Variants in ROCK2 observed in about 807,000 individuals in gnomAD.
ROCK2 encodes Rho associated coiled-coil containing protein kinase 2.
ROCK2 carries 61 observed loss-of-function variants against 195.1 expected under a neutral mutation model. That is an observed-to-expected ratio of 0.31 (90% CI 0.25 to 0.39). The LOEUF (loss-of-function observed/expected upper bound fraction) is 0.39, where lower values mean the gene tolerates loss of function less well. Ranked by LOEUF, ROCK2 falls within the 10% of genes least tolerant of loss-of-function variation. ROCK2 has a pLI of 1.00. For missense variants in ROCK2, 1,109 were observed against 1,637.4 expected (o/e 0.68, Z 5.57); for synonymous variants, 504 against 545.5 (o/e 0.92, Z 1.06).
chr2:11,284,189 T>C (rs1667109448), intron 3 of ROCK2, among the ~76,000 whole-genome samples: 1 of 152,174 alleles, frequency 6.6e-6, no homozygotes, highest in Non-Finnish European at 1.5e-5. Flanking sequence ...TTACATGACA[T>C]TCTGGAAAAG....
At chr2:11,345,273 C>T (rs758640998), upstream of ROCK2, among the ~76,000 whole-genome samples, 1 of 152,192 alleles carries the variant, frequency 6.6e-6, no homozygotes, top group African/African-American at 2.4e-5. Flanking sequence ...TAGACACTAA[C>T]CACTTCAAGA....
At chr2:11,226,765 A>G (rs1414316239) in intron 6 of ROCK2, among the ~76,000 whole-genome samples, 1 of 151,882 alleles carries the variant, frequency 6.6e-6, no homozygotes, top group African/African-American at 2.4e-5. Context: ...GAGAAAAATC[A>G]GCCGGGTTTA....
At chr2:11,294,843 TGTCAGCTCACC>T (rs1304017163) in intron 1 of ROCK2, among the ~76,000 whole-genome samples, 3 of 152,168 alleles carry the variant, frequency 2.0e-5, no homozygotes, top group African/African-American at 7.2e-5. Flanking sequence ...AGTGCCATGA[TGTCAGCTCACC>T]GCAACCTCCA....
chr2:11,281,454 T>C (rs925384030), intron 3 of ROCK2, among the ~76,000 whole-genome samples: 2 of 152,218 alleles, frequency 1.3e-5, no homozygotes, highest in Non-Finnish European at 2.9e-5. Flanking sequence ...GAAGGATCTA[T>C]GTGATCATCT....
At chr2:11,200,865 C>A in intron 23 of ROCK2, 92 bp downstream of exon 23, 1 of 1,108,438 alleles carries the variant, frequency 9.0e-7, no homozygotes. Flanking sequence ...TATAATTTTT[C>A]ATTTAGATCT....
intron 1 of ROCK2, among the ~76,000 whole-genome samples, chr2:11,324,014 A>T (rs1009688961): frequency 4.6e-5 from 7 of 152,070 alleles, no homozygotes; most frequent in African/African-American, 1.7e-4. Flanking sequence ...CTCCTTCCAC[A>T]CTAACAGTCA....
intron 17 of ROCK2, among the ~76,000 whole-genome samples, chr2:11,212,403 A>G (rs925988865): frequency 6.6e-6 from 1 of 152,210 alleles, no homozygotes; most frequent in African/African-American, 2.4e-5. Flanking sequence ...AAAAAGACCA[A>G]TGCTATTCTC....
intron 6 of ROCK2, among the ~76,000 whole-genome samples, chr2:11,226,768 C>T (rs897260661): frequency 3.3e-5 from 5 of 151,560 alleles, no homozygotes; most frequent in East Asian, 1.9e-4. Context: ...AAAAATCAGC[C>T]GGGTTTAGTG....
intron 3 of ROCK2, among the ~76,000 whole-genome samples, chr2:11,283,080 AACAT>A (rs1667062393): frequency 7.1e-6 from 1 of 141,736 alleles, no homozygotes; most frequent in Admixed American, 7.0e-5. Context: ...CAGCCTGGCC[AACAT>A]GGTGAAACCC....
At chr2:11,324,759 T>C (rs1483911317) in intron 1 of ROCK2, among the ~76,000 whole-genome samples, 1 of 152,226 alleles carries the variant, frequency 6.6e-6, no homozygotes, top group Non-Finnish European at 1.5e-5. Context: ...GCCTGGCACA[T>C]AGTAAGAGAT....
At chr2:11,333,765 C>A (rs1668839661) in intron 1 of ROCK2, among the ~76,000 whole-genome samples, 1 of 152,146 alleles carries the variant, frequency 6.6e-6, no homozygotes, top group East Asian at 1.9e-4. Flanking sequence ...TGTGAACACA[C>A]CACCAGCATT....
intron 32 of ROCK2, among the ~76,000 whole-genome samples, chr2:11,186,706 C>T (rs553669145): frequency 2.6e-5 from 4 of 152,286 alleles, no homozygotes. Context: ...CCACTCCCTA[C>T]CCTTGCCTTC....
chr2:11,224,265 T>C, intron 7 of ROCK2, 57 bp downstream of exon 7: 9 of 1,476,390 alleles, frequency 6.1e-6, no homozygotes, highest in Non-Finnish European at 8.3e-6. Flanking sequence ...GGCATGCTTT[T>C]ATTTCTATAA....
At chr2:11,219,736 C>T (rs1472142145) in intron 9 of ROCK2, among the ~76,000 whole-genome samples, 1 of 151,856 alleles carries the variant, frequency 6.6e-6, no homozygotes, top group East Asian at 1.9e-4. Context: ...CTGGGCTTCT[C>T]AAATATCTTT....
chr2:11,287,935 T>G (rs1449781510), intron 1 of ROCK2, among the ~76,000 whole-genome samples, 199 bp from the exon 2 acceptor site: 3 of 152,206 alleles, frequency 2.0e-5, no homozygotes, highest in African/African-American at 7.2e-5. Context: ...ACTGCCCCTA[T>G]CATGTTTTCC....
Position 11,197,163 on chromosome 2 carries a change from T to C in ROCK2, c.3448+17A>G. The C allele has an allele frequency of 4.4e-6, 7 of 1,573,148 alleles. No individual in the cohort carries two copies. Among genetic ancestry groups the C allele is most frequent in the Non-Finnish European group, 4.3e-6 (5 of 1,160,360 alleles). On this transcript the variant is annotated intron_variant, in intron 27 of 32. Coordinates refer to ENST00000315872, the MANE Select transcript of ROCK2 (RefSeq NM_004850.5). This position sits in a 1 kb window ranked among gnomAD's most constrained non-coding sequence, Gnocchi z 4.9. ...TTATATTTAAGATAAATATTAGTGC[T>C]GAAAACAAATCCATACCTGGAAACC...
At chr2:11,314,004 C>T (rs10210600) in intron 1 of ROCK2, among the ~76,000 whole-genome samples, 121,847 of 151,788 alleles carry the variant, frequency 0.8, 50,700 homozygotes, top group East Asian at 0.99. Flanking sequence ...TATAAGAACA[C>T]TCTTTGATAC....
chr2:11,214,759 C>T, intron 16 of ROCK2, 81 bp downstream of exon 16: 1 of 1,286,254 alleles, frequency 7.8e-7, no homozygotes, highest in Non-Finnish European at 1.1e-6. Flanking sequence ...ATGTCCAATC[C>T]AGCACACTAT....
chr2:11,328,931 G>T (rs987100199), intron 1 of ROCK2, among the ~76,000 whole-genome samples: 1 of 138,556 alleles, frequency 7.2e-6, no homozygotes, highest in African/African-American at 2.6e-5. Flanking sequence ...GTGAGGGGAG[G>T]GGGGAGGGAT....
Sources: allele counts gnomAD v4.1 joint callset (sites outside exome capture counted in the v4.1 genomes callset), GRCh38; gene constraint gnomAD v4.1.1; non-coding constraint Gnocchi (gnomAD v3.1); transcripts MANE v1.5; gene names NCBI Gene and HGNC (gene_info 2026-07-23, HGNC 2026-07-21).